Variants in KIF26B observed in about 807,000 individuals in gnomAD.
The protein encoded by KIF26B is kinesin family member 26B, also known as kinesin-like protein KIF26B.
In KIF26B, 63 loss-of-function variants were observed where a neutral mutation model predicts 151.2. The observed-to-expected ratio is 0.42, with a 90% CI of 0.34 to 0.51. KIF26B has a LOEUF of 0.51. Ranked by LOEUF, KIF26B falls within the 20% of genes least tolerant of loss-of-function variation. KIF26B has a pLI of 0.07. For synonymous variants in KIF26B, 1,357 were observed against 1,262.1 expected, an observed-to-expected ratio of 1.08 and a Z score of -1.59; for missense variants, 2,813 against 2,913.6, an observed-to-expected ratio of 0.97 and a Z score of 0.79.
chr1:245,332,090 C>A (rs576495872), intron 2 of KIF26B, among the ~76,000 whole-genome samples: 12 of 152,254 alleles, frequency 7.9e-5, no homozygotes, highest in African/African-American at 2.9e-4. Context: ...GGCACCACTG[C>A]ATTCCAGCTG....
intron 6 of KIF26B, among the ~76,000 whole-genome samples, chr1:245,607,242 G>A (rs1005708891): frequency 1.3e-5 from 2 of 152,038 alleles, no homozygotes; most frequent in African/African-American, 4.8e-5. Context: ...AGCCTGGCCT[G>A]TTTAATAAAC....
intron 4 of KIF26B, among the ~76,000 whole-genome samples, chr1:245,525,145 A>G (rs1433787202): frequency 6.6e-6 from 1 of 152,226 alleles, no homozygotes; most frequent in East Asian, 1.9e-4. Flanking sequence ...TGCCAGCTTC[A>G]TGCAGAAGAC....
chr1:245,626,937 C>T (rs1771512), intron 9 of KIF26B, among the ~76,000 whole-genome samples: 110,166 of 152,020 alleles, frequency 0.72, 39,968 homozygotes, highest in East Asian at 0.89. Context: ...TCTAGTTTCA[C>T]CCTTCTGCTT....
intron 2 of KIF26B, among the ~76,000 whole-genome samples, chr1:245,264,279 C>T (rs1030173262): frequency 2.0e-5 from 3 of 152,008 alleles, no homozygotes; most frequent in Non-Finnish European, 4.4e-5. Flanking sequence ...CTATTTTTTT[C>T]CTTTCTTATA....
At chr1:245,450,175 G>A (rs185500649) in intron 4 of KIF26B, among the ~76,000 whole-genome samples, 27 of 152,184 alleles carry the variant, frequency 1.8e-4, no homozygotes, top group African/African-American at 5.8e-4. Flanking sequence ...GCCTGGACTC[G>A]GTATTTTGGG....
intron 5 of KIF26B, among the ~76,000 whole-genome samples, chr1:245,588,145 T>A (rs1399911960): frequency 6.6e-6 from 1 of 152,142 alleles, no homozygotes; most frequent in Non-Finnish European, 1.5e-5. Flanking sequence ...TATACTTTAA[T>A]TTGGTGAGGC....
chr1:245,597,667 T>G lies in KIF26B; in HGVS notation c.1351-4910T>G, dbSNP rs1375515436. Among the ~76,000 whole-genome samples the G allele has an allele frequency of 6.6e-6, 1 of 152,190 alleles. No homozygotes were observed. The highest frequency in any genetic ancestry group is 1.5e-5 in the Non-Finnish European group (1 of 68,038). Reference sequence around the variant, plus strand: ...GTTCTCTATATATTCTGAATTTAAATGTTGGCCTGTCCTGCTAGTTTGAGG... The same window carrying G: ...GTTCTCTATATATTCTGAATTTAAAGGTTGGCCTGTCCTGCTAGTTTGAGG... On this transcript the variant is annotated intron_variant, in intron 5 of 14. Coordinates refer to ENST00000407071, the MANE Select transcript of KIF26B (RefSeq NM_018012.4). This position sits in a 1 kb window ranked among gnomAD's most constrained non-coding sequence, Gnocchi z 4.6.
chr1:245,679,390 G>A (rs1455563573), intron 10 of KIF26B, among the ~76,000 whole-genome samples: 9 of 147,662 alleles, frequency 6.1e-5, no homozygotes, highest in Admixed American at 6.1e-4. Context: ...TGTTTAATAA[G>A]TGTTCACTGA....
chr1:245,308,733 G>A (rs758169344), intron 2 of KIF26B, among the ~76,000 whole-genome samples: 1 of 152,130 alleles, frequency 6.6e-6, no homozygotes, highest in Non-Finnish European at 1.5e-5. Flanking sequence ...ATAAGACCCT[G>A]TCTCAAAACA....
chr1:245,554,994 C>G (rs960403551), intron 5 of KIF26B, among the ~76,000 whole-genome samples: 4 of 152,132 alleles, frequency 2.6e-5, no homozygotes, highest in Admixed American at 6.5e-5. Flanking sequence ...TGCTCAAGGT[C>G]GTATAGAAAG....
chr1:245,330,939 C>G (rs910588110), intron 2 of KIF26B, among the ~76,000 whole-genome samples: 1 of 151,788 alleles, frequency 6.6e-6, no homozygotes, highest in Non-Finnish European at 1.5e-5. Context: ...GGGAAGTCCC[C>G]GCAGAGAGAG....
chr1:245,246,970 GAC>G (rs953063799), intron 2 of KIF26B, among the ~76,000 whole-genome samples: 5 of 146,834 alleles, frequency 3.4e-5, no homozygotes, highest in African/African-American at 1.0e-4. Flanking sequence ...CACAGACACA[GAC>G]ACACACACAC....
At chr1:245,661,776 G>A (rs919060198) in intron 10 of KIF26B, among the ~76,000 whole-genome samples, 3 of 92,376 alleles carry the variant, frequency 3.2e-5, no homozygotes, top group African/African-American at 8.0e-5. Flanking sequence ...TACACCCAAT[G>A]ATATATATAC....
intron 3 of KIF26B, among the ~76,000 whole-genome samples, chr1:245,416,823 C>A (rs1284454121): frequency 6.6e-6 from 1 of 152,120 alleles, no homozygotes; most frequent in East Asian, 1.9e-4. Flanking sequence ...TAGCCAAATC[C>A]TGGTCTGTTA....
chr1:245,360,413 A>G (rs958204939), intron 2 of KIF26B, among the ~76,000 whole-genome samples: 3 of 152,212 alleles, frequency 2.0e-5, no homozygotes, highest in Non-Finnish European at 4.4e-5. Flanking sequence ...AATTACTACC[A>G]TTTATTTAAG....
rs902079765 is a variant in KIF26B at position 245,597,328 on chromosome 1, G to T, written c.1351-5249G>T. ...GAGCTCTTGTAAGGCAGGCCTGGTGGTGACAAAATCTCTCAGCATTTGCCT... is the reference window on the plus strand; with the variant it reads ...GAGCTCTTGTAAGGCAGGCCTGGTGTTGACAAAATCTCTCAGCATTTGCCT... On this transcript the variant is annotated intron_variant, in intron 5 of 14. Transcript: ENST00000407071. The surrounding 1 kb of genome is among the most constrained non-coding windows in gnomAD (Gnocchi z 4.6). Among the ~76,000 whole-genome samples the T allele has an allele frequency of 6.6e-6, 1 of 152,190 alleles. No homozygotes were observed. Among genetic ancestry groups the T allele is most frequent in the Admixed American group, 6.5e-5 (1 of 15,284 alleles).
rs764495202 is a variant in KIF26B, at chr1:245,685,722, C to T, written c.2739C>T (p.Ala913=). 2.7e-5 allele frequency: 44 copies of T among 1,611,862 alleles called. No individual in the cohort carries two copies. The highest frequency in any genetic ancestry group is 1.0e-4 in the Admixed American group (6 of 59,956). Residue 913 remains alanine, a synonymous_variant, in exon 12 of 15, where the codon GCC becomes GCT. Coordinates refer to ENST00000407071, the MANE Select transcript of KIF26B (RefSeq NM_018012.4). ...SRPAEAGEAA[A]GKSERDCLKC... ...CCGCAGAGGCAGGAGAGGCTGCAGCCGGCAAGTCAGAAAGGGACTGCCTGA... is the reference window on the plus strand; with the variant it reads ...CCGCAGAGGCAGGAGAGGCTGCAGCTGGCAAGTCAGAAAGGGACTGCCTGA...
At chr1:245,228,840 A>G (rs944863652) in intron 2 of KIF26B, among the ~76,000 whole-genome samples, 1 of 152,192 alleles carries the variant, frequency 6.6e-6, no homozygotes. Flanking sequence ...GCCTAGCGTC[A>G]CCTGACTCCA....
intron 4 of KIF26B, among the ~76,000 whole-genome samples, chr1:245,443,231 C>A (rs557772160): frequency 1.3e-5 from 2 of 148,604 alleles, no homozygotes; most frequent in Non-Finnish European, 3.0e-5. Context: ...TCACCTACAG[C>A]GGTCATCTCC....
Sources: gnomAD v4.1 joint callset for allele counts (sites outside exome capture counted in the v4.1 genomes callset) on GRCh38, gnomAD v4.1.1 for gene constraint, Gnocchi (gnomAD v3.1) non-coding constraint, MANE v1.5 for transcripts, NCBI Gene and HGNC (gene_info 2026-07-23, HGNC 2026-07-21) for gene names.